The following MAST4 variants were observed in gnomAD, a reference collection of about 807,000 sequenced individuals.
MAST4 encodes the protein microtubule-associated serine/threonine-protein kinase 4.
In MAST4, 89 loss-of-function variants were observed where a neutral mutation model predicts 162.7. The observed-to-expected ratio is 0.55, with a 90% CI of 0.46 to 0.65. The LOEUF (loss-of-function observed/expected upper bound fraction) is 0.65, where lower values mean the gene tolerates loss of function less well. Among genes scored for constraint, MAST4 ranks in the 30% least tolerant of loss-of-function variants. The pLI, the probability that MAST4 is intolerant of heterozygous loss-of-function variation, is 0.00. For missense variants in MAST4, 3,153 were observed against 3,374.0 expected, an observed-to-expected ratio of 0.93 and a Z score of 1.62; for synonymous variants, 1,479 against 1,361.1, an observed-to-expected ratio of 1.09 and a Z score of -1.91.
At chr5:66,841,061 T>G (rs1295478833) in intron 3 of MAST4, among the ~76,000 whole-genome samples, 1 of 152,192 alleles carries the variant, frequency 6.6e-6, no homozygotes, top group African/African-American at 2.4e-5. Flanking sequence ...TCTTCTAAGC[T>G]TTATTTTGCC....
intron 4 of MAST4, among the ~76,000 whole-genome samples, chr5:66,941,784 G>A (rs988027317): frequency 1.3e-5 from 2 of 152,210 alleles, no homozygotes; most frequent in East Asian, 1.9e-4. Flanking sequence ...TGAGAGATGT[G>A]TGTCTCTTCC....
chr5:66,951,808 T>A (rs1744746492), intron 4 of MAST4, among the ~76,000 whole-genome samples: 1 of 152,186 alleles, frequency 6.6e-6, no homozygotes, highest in East Asian at 1.9e-4. Context: ...TATAAAACTC[T>A]TGTTGGCACT....
intron 2 of MAST4, among the ~76,000 whole-genome samples, chr5:66,766,504 C>T (rs183965285): frequency 4.2e-4 from 64 of 151,736 alleles, no homozygotes; most frequent in Non-Finnish European, 7.4e-4. Flanking sequence ...ATTTTTAAAA[C>T]GGCATTTTTT....
chr5:66,995,240 T>C (rs906623387), intron 4 of MAST4, among the ~76,000 whole-genome samples: 7 of 152,206 alleles, frequency 4.6e-5, no homozygotes. Flanking sequence ...ATTTCGTGTG[T>C]CAAAAAATAT....
At chr5:66,969,572 C>A (rs968873489) in intron 4 of MAST4, among the ~76,000 whole-genome samples, 1 of 152,186 alleles carries the variant, frequency 6.6e-6, no homozygotes, top group African/African-American at 2.4e-5. Flanking sequence ...TAATTCTCAC[C>A]TAGTCCCATT....
intron 2 of MAST4, among the ~76,000 whole-genome samples, chr5:66,779,755 T>C (rs139236569): frequency 1.3e-5 from 2 of 152,316 alleles, no homozygotes; most frequent in Non-Finnish European, 2.9e-5. Context: ...GAAGAATCAC[T>C]TGATGGTGAC....
intron 1 of MAST4, among the ~76,000 whole-genome samples, 195 bp from the exon 2 acceptor site, chr5:66,759,514 C>A (rs1229069766): frequency 6.6e-6 from 1 of 152,182 alleles, no homozygotes; most frequent in Non-Finnish European, 1.5e-5. Flanking sequence ...GATTTTGCAG[C>A]AAGCCAGACT....
intron 1 of MAST4, among the ~76,000 whole-genome samples, chr5:66,705,460 T>G (rs1468036537): frequency 6.6e-6 from 1 of 152,222 alleles, no homozygotes; most frequent in Non-Finnish European, 1.5e-5. Flanking sequence ...GAGCCAAATA[T>G]ATAATTATAC....
In MAST4 at chr5:67,165,435, C is replaced by T; in HGVS notation, c.6256C>T (p.Leu2086Phe). ...RRGVEPKPEALLARRSLQPPG... is the reference protein window; with the variant it reads ...RRGVEPKPEAFLARRSLQPPG... ...TGGCGTGGAACCCAAGCCCGAAGCG[C>T]TTCTTGCCAGGCGGTCTCTGCAGCC... Residue 2086 changes from leucine (L) to phenylalanine (F), a missense_variant, in exon 29 of 29, where the codon CTT becomes TTT. By Grantham distance (22) the Leu-to-Phe change is conservative (BLOSUM62 0). Coordinates refer to ENST00000403625, the MANE Select transcript of MAST4 (RefSeq NM_001164664.2). The T allele has an allele frequency of 6.2e-7, 1 of 1,613,914 alleles. No individual in the cohort carries two copies. The highest frequency in any genetic ancestry group is 8.5e-7 in the Non-Finnish European group (1 of 1,179,890).
intron 4 of MAST4, among the ~76,000 whole-genome samples, chr5:66,911,464 G>A (rs1373589516): frequency 2.0e-5 from 3 of 151,246 alleles, no homozygotes; most frequent in Non-Finnish European, 4.4e-5. Context: ...CACTTGGAGA[G>A]GCCAAGACAG....
intron 1 of MAST4, among the ~76,000 whole-genome samples, chr5:66,713,186 T>A (rs1326392620): frequency 6.6e-6 from 1 of 152,222 alleles, no homozygotes; most frequent in Non-Finnish European, 1.5e-5. Context: ...TTTGTATGGG[T>A]AATGGTTCTC....
intron 3 of MAST4, among the ~76,000 whole-genome samples, chr5:66,792,008 G>A (rs760852265): frequency 3.2e-4 from 48 of 152,188 alleles, no homozygotes; most frequent in Middle Eastern, 6.8e-3. Flanking sequence ...ACCACTTGTC[G>A]AACCACACAG....
At chr5:66,868,440 T>C (rs1760690076) in intron 3 of MAST4, among the ~76,000 whole-genome samples, 1 of 147,864 alleles carries the variant, frequency 6.8e-6, no homozygotes, top group Admixed American at 6.9e-5. Flanking sequence ...TATATACATA[T>C]ATATGTGTAT....
chr5:67,143,788 A>G (rs1442653323), intron 21 of MAST4, among the ~76,000 whole-genome samples: 1 of 152,168 alleles, frequency 6.6e-6, no homozygotes, highest in Non-Finnish European at 1.5e-5. Flanking sequence ...TCTCTGGGCC[A>G]TCAAAGACAA....
intron 5 of MAST4, among the ~76,000 whole-genome samples, chr5:67,081,005 TATA>T (rs1432618653): frequency 1.4e-4 from 17 of 122,170 alleles, no homozygotes; most frequent in East Asian, 4.1e-4. Context: ...TATTATATAA[TATA>T]ATATATAATT....
intron 3 of MAST4, among the ~76,000 whole-genome samples, chr5:66,812,879 CTT>C (rs1360422308): frequency 1.3e-5 from 2 of 152,142 alleles, no homozygotes; most frequent in African/African-American, 4.8e-5. Context: ...CACCACCTCT[CTT>C]GCAGTTTAGA....
chr5:66,942,891 T>C (rs1743524761), intron 4 of MAST4, among the ~76,000 whole-genome samples: 1 of 152,068 alleles, frequency 6.6e-6, no homozygotes, highest in African/African-American at 2.4e-5. Context: ...TTCTGGTGAC[T>C]GAGAAGTCTA....
intron 5 of MAST4, among the ~76,000 whole-genome samples, chr5:67,068,982 C>T (rs138563047): frequency 2.2e-3 from 327 of 151,754 alleles, no homozygotes; most frequent in Non-Finnish European, 3.1e-3. Context: ...CTAAGTATTC[C>T]GCTGACCCTC....
At chr5:66,614,562 T>C (rs1579992567) in intron 1 of MAST4, among the ~76,000 whole-genome samples, 2 of 152,296 alleles carry the variant, frequency 1.3e-5, no homozygotes, top group Admixed American at 1.3e-4. Flanking sequence ...ATCCCAATCT[T>C]GGATTAAGTT....
Sources: allele counts gnomAD v4.1 joint callset (sites outside exome capture counted in the v4.1 genomes callset), GRCh38; gene constraint gnomAD v4.1.1; transcripts MANE v1.5; gene names NCBI Gene and HGNC (gene_info 2026-07-23, HGNC 2026-07-21).